Variants in FRK observed in about 807,000 individuals in gnomAD.
FRK encodes tyrosine-protein kinase FRK.
In FRK, 51 loss-of-function variants were observed where a neutral mutation model predicts 56.4. The ratio of observed to expected loss-of-function variants is 0.90; its 90% CI spans 0.72 to 1.14. The LOEUF (loss-of-function observed/expected upper bound fraction) is 1.14, where lower values mean the gene tolerates loss of function less well. Among genes scored for constraint, FRK ranks in the 50% most tolerant of loss-of-function variants. The probability of loss-of-function intolerance (pLI) is 0.00; values close to 1 mark genes in which losing one functional copy is unlikely to be tolerated. For missense variants in FRK, 570 were observed against 601.4 expected, an observed-to-expected ratio of 0.95 and a Z score of 0.55; for synonymous variants, 245 against 217.9, an observed-to-expected ratio of 1.12 and a Z score of -1.10.
At chr6:115,960,183 T>C (rs906973402) in intron 4 of FRK, among the ~76,000 whole-genome samples, 4 of 150,922 alleles carry the variant, frequency 2.7e-5, no homozygotes, top group South Asian at 2.1e-4. Flanking sequence ...GGCCAGTGTG[T>C]GCGCGCACCG....
intron 1 of FRK, among the ~76,000 whole-genome samples, chr6:116,035,475 C>T (rs796509102): frequency 4.6e-5 from 7 of 152,100 alleles, no homozygotes; most frequent in African/African-American, 1.7e-4. Context: ...TCTACATATC[C>T]ATCAAAAACA....
At chr6:115,950,253 G>C (rs1476767343) in intron 5 of FRK, among the ~76,000 whole-genome samples, 3 of 152,156 alleles carry the variant, frequency 2.0e-5, no homozygotes, top group Non-Finnish European at 4.4e-5. Flanking sequence ...GGAACATTCA[G>C]AATGGGAGAA....
At chr6:116,082,250 TA>T in the FRK span, among the ~76,000 whole-genome samples, 1 of 152,192 alleles carries the variant, frequency 6.6e-6, no homozygotes, top group African/African-American at 2.4e-5. Context: ...CCTGACAGTG[TA>T]CACCTTGTTG....
chr6:115,951,822 A>G lies in FRK; in HGVS notation c.958+4630T>C, dbSNP rs1231386931. Among the ~76,000 whole-genome samples the G allele has an allele frequency of 1.3e-5, 2 of 152,188 alleles. 1 individual carries two copies. Among genetic ancestry groups the G allele is most frequent in the South Asian group, 4.1e-4 (2 of 4,828 alleles). ...GTACTGCCTAAGTAAACATCAACAC[A>G]TACTTTTAATACAACCAACAGAGGT... On this transcript the variant is annotated intron_variant, in intron 5 of 7. Transcript: ENST00000606080.
At chr6:116,075,042 A>G in the FRK span, among the ~76,000 whole-genome samples, 1 of 151,976 alleles carries the variant, frequency 6.6e-6, no homozygotes, top group Non-Finnish European at 1.5e-5. Context: ...GGTCATTTCA[A>G]TCATCCAAGG....
chr6:116,064,054 A>G (rs1777709623), upstream of FRK, among the ~76,000 whole-genome samples: 1 of 152,204 alleles, frequency 6.6e-6, no homozygotes, highest in Non-Finnish European at 1.5e-5. Flanking sequence ...CATTTGGAAT[A>G]AACCTTAGTT....
intron 1 of FRK, among the ~76,000 whole-genome samples, chr6:116,032,093 C>CT (rs1776321203): frequency 6.6e-6 from 1 of 151,936 alleles, no homozygotes; most frequent in African/African-American, 2.4e-5. Context: ...ATTCTAAGGC[C>CT]TACAGGGTCA....
At position 116,060,186 on chromosome 6, in the gene FRK, C is replaced by G; in HGVS notation, c.126G>C (p.Arg42Ser). The change falls in exon 1 of 8, where the codon AGG becomes AGC. Residue 42 changes from arginine to serine, a missense_variant. By Grantham distance (110) the Arg-to-Ser change is moderately radical. Coordinates refer to ENST00000606080, the MANE Select transcript of FRK (RefSeq NM_002031.3). ...ACAAAGCCACAAAGTAGTGGCCATG[C>G]CTCTGTGACTGGGGAGAGCAAAGGG... ...PGALCSPQSQ[R>S]HGHYFVALFD... 6.2e-7 allele frequency: 1 copy of G among 1,614,148 alleles called. No homozygotes were observed. Among genetic ancestry groups the G allele is most frequent in the Non-Finnish European group, 8.5e-7 (1 of 1,180,024 alleles).
At chr6:115,951,649 T>C (rs1582638156) in intron 5 of FRK, among the ~76,000 whole-genome samples, 1 of 152,200 alleles carries the variant, frequency 6.6e-6, no homozygotes, top group Non-Finnish European at 1.5e-5. Flanking sequence ...AAAAAGGTTA[T>C]ATAGAAAAAA....
At chr6:116,043,540 G>A (rs575404407) in intron 1 of FRK, among the ~76,000 whole-genome samples, 3 of 151,998 alleles carry the variant, frequency 2.0e-5, no homozygotes, top group African/African-American at 4.8e-5. Context: ...TGAAACCAAC[G>A]AGAACAAAGA....
chr6:115,968,553 A>G (rs1773675752), intron 3 of FRK, 23 bp downstream of exon 3: 2 of 1,592,252 alleles, frequency 1.3e-6, no homozygotes, highest in Non-Finnish European at 1.7e-6. Context: ...CAATAAAAAA[A>G]CACAGCTTGA....
chr6:116,064,810 G>A (rs1368917981), upstream of FRK, among the ~76,000 whole-genome samples: 2 of 152,084 alleles, frequency 1.3e-5, no homozygotes, highest in African/African-American at 4.8e-5. Context: ...GGAATTCAAG[G>A]CTAAGGAATT....
At chr6:115,947,101 G>T (rs1321403493) in intron 5 of FRK, among the ~76,000 whole-genome samples, 4 of 152,080 alleles carry the variant, frequency 2.6e-5, no homozygotes, top group African/African-American at 9.7e-5. Flanking sequence ...GGGATAGTGT[G>T]GGGTTGTAAT....
chr6:116,023,335 CA>C (rs1775952367), intron 1 of FRK, among the ~76,000 whole-genome samples: 1 of 152,030 alleles, frequency 6.6e-6, no homozygotes, highest in African/African-American at 2.4e-5. Flanking sequence ...TAGACTTGCA[CA>C]AAAATGTTAA....
the FRK span, among the ~76,000 whole-genome samples, chr6:116,083,385 T>C: frequency 6.6e-6 from 1 of 152,180 alleles, no homozygotes; most frequent in Non-Finnish European, 1.5e-5. Context: ...TGTTTTGTTT[T>C]AAGATGAGAA....
Position 115,958,802 on chromosome 6 carries a change from G to A in FRK, c.800-2192C>T, listed in dbSNP as rs865881405. On this transcript the variant is annotated intron_variant, in intron 4 of 7. Transcript: ENST00000606080. Reference sequence around the variant, plus strand: ...AAGGAGAGAGAGAAAGAAAGAAAAAGAAAGAAAGAAAGAAAGAAAAAGAAA... The same window carrying A: ...AAGGAGAGAGAGAAAGAAAGAAAAAAAAAGAAAGAAAGAAAGAAAAAGAAA... Among the ~76,000 whole-genome samples, 17 of 57,894 alleles carry A rather than the reference G, an allele frequency of 2.9e-4. 2 individuals are homozygous for A. The East Asian group carries it at 3.5e-3, about 12-fold the overall frequency. The allele number at this position is 57,894 out of a possible 152,430, so 38.0% of individuals were successfully genotyped here. A position where few individuals can be genotyped will look rare whatever the true frequency, so the allele number is the denominator to read the frequency against.
At chr6:115,983,615 C>T (rs1774287054) in intron 2 of FRK, among the ~76,000 whole-genome samples, 2 of 152,164 alleles carry the variant, frequency 1.3e-5, no homozygotes, top group Admixed American at 1.3e-4. Context: ...ACTCCTCTCT[C>T]TCAATGAATG....
At chr6:116,089,962 CCA>C in the FRK span, among the ~76,000 whole-genome samples, 55 of 152,114 alleles carry the variant, frequency 3.6e-4, no homozygotes, top group African/African-American at 1.3e-3. Flanking sequence ...TCTCACAATG[CCA>C]GATTTAGCAA....
At chr6:116,013,705 A>G (rs1372622540) in intron 1 of FRK, among the ~76,000 whole-genome samples, 2 of 152,150 alleles carry the variant, frequency 1.3e-5, no homozygotes, top group Non-Finnish European at 2.9e-5. Flanking sequence ...ATGGGACACT[A>G]TATGGTTATA....
Sources: gnomAD v4.1 joint callset for allele counts (sites outside exome capture counted in the v4.1 genomes callset) on GRCh38, gnomAD v4.1.1 for gene constraint, MANE v1.5 for transcripts, NCBI Gene and HGNC (gene_info 2026-07-23, HGNC 2026-07-21) for gene names.